Variants in MAGI2 observed in about 807,000 individuals in gnomAD.
MAGI2 encodes membrane associated guanylate kinase, WW and PDZ domain containing 2.
A neutral mutation model predicts 133.3 loss-of-function variants in MAGI2; 35 were observed. The ratio of observed to expected loss-of-function variants is 0.26; its 90% CI spans 0.20 to 0.35. The LOEUF (loss-of-function observed/expected upper bound fraction) is 0.35. Ranked by LOEUF, MAGI2 falls within the 10% of genes least tolerant of loss-of-function variation. The pLI is 1.00. For missense variants in MAGI2, 1,636 were observed against 1,863.4 expected, an observed-to-expected ratio of 0.88 and a Z score of 2.25; for synonymous variants, 729 against 710.6, an observed-to-expected ratio of 1.03 and a Z score of -0.41.
At chr7:78,880,285 G>T (rs1266437442) in intron 2 of MAGI2, among the ~76,000 whole-genome samples, 2 of 152,146 alleles carry the variant, frequency 1.3e-5, no homozygotes, top group African/African-American at 4.8e-5. Context: ...GACTGGCCAA[G>T]ATCAGCACGG....
chr7:78,641,670 T>G (rs897382948), intron 2 of MAGI2, among the ~76,000 whole-genome samples: 1 of 152,070 alleles, frequency 6.6e-6, no homozygotes, highest in African/African-American at 2.4e-5. Flanking sequence ...TGGCCAGCAT[T>G]AAGTGTAACA....
chr7:78,764,434 A>G (rs773007689), intron 2 of MAGI2, among the ~76,000 whole-genome samples: 2 of 152,242 alleles, frequency 1.3e-5, no homozygotes, highest in Non-Finnish European at 2.9e-5. Context: ...AATGAATAAA[A>G]TCTCGATGAA....
At chr7:79,402,761 A>G (rs1416908757) in intron 1 of MAGI2, among the ~76,000 whole-genome samples, 1 of 152,230 alleles carries the variant, frequency 6.6e-6, no homozygotes, top group East Asian at 1.9e-4. Flanking sequence ...CAGGAGTTCA[A>G]GACCGGCCTG....
chr7:79,287,580 C>T (rs1585435080), intron 1 of MAGI2, among the ~76,000 whole-genome samples: 1 of 152,182 alleles, frequency 6.6e-6, no homozygotes, highest in East Asian at 1.9e-4. Flanking sequence ...TTCTGAGTAG[C>T]TGTGTGTACT....
intron 1 of MAGI2, among the ~76,000 whole-genome samples, chr7:79,165,065 T>C (rs1044137163): frequency 1.3e-5 from 2 of 152,010 alleles, no homozygotes; most frequent in African/African-American, 4.8e-5. Flanking sequence ...GAACTCAGAG[T>C]CTTATTTTTA....
intron 1 of MAGI2, among the ~76,000 whole-genome samples, chr7:79,088,154 C>T (rs1040993520): frequency 3.3e-5 from 5 of 152,064 alleles, no homozygotes; most frequent in Non-Finnish European, 7.4e-5. Context: ...TTGTTTGTAT[C>T]CTCTCTTATT....
chr7:78,236,696 A>G (rs548824349), intron 10 of MAGI2, among the ~76,000 whole-genome samples: 9 of 152,194 alleles, frequency 5.9e-5, no homozygotes, highest in Non-Finnish European at 1.0e-4. Flanking sequence ...TGGGGTAAAT[A>G]ACATTAGAAA....
At chr7:79,305,320 G>A (rs1484540072) in intron 1 of MAGI2, among the ~76,000 whole-genome samples, 1 of 151,986 alleles carries the variant, frequency 6.6e-6, no homozygotes, top group African/African-American at 2.4e-5. Context: ...TTTCTTCATT[G>A]GAAGCTTTGA....
chr7:78,344,382 A>G (rs1584945537), intron 8 of MAGI2, among the ~76,000 whole-genome samples: 1 of 152,174 alleles, frequency 6.6e-6, no homozygotes, highest in East Asian at 1.9e-4. Flanking sequence ...TCAGTGGCCG[A>G]TCCTAAACTA....
intron 1 of MAGI2, among the ~76,000 whole-genome samples, chr7:79,435,049 T>C (rs1449407479): frequency 6.6e-6 from 1 of 152,234 alleles, no homozygotes; most frequent in Non-Finnish European, 1.5e-5. Flanking sequence ...GCCTTTGGAC[T>C]GGAACATAAC....
At chr7:79,376,635 A>G (rs1843397188) in intron 1 of MAGI2, among the ~76,000 whole-genome samples, 1 of 151,926 alleles carries the variant, frequency 6.6e-6, no homozygotes. Context: ...ATGATCCACA[A>G]CCTAGGTGGA....
chr7:78,488,899 C>A (rs759333), intron 6 of MAGI2, among the ~76,000 whole-genome samples: 99,732 of 151,804 alleles, frequency 0.66, 33,243 homozygotes, highest in South Asian at 0.84. Flanking sequence ...CTTTGTTTAA[C>A]GTTCAAATAT....
intron 1 of MAGI2, among the ~76,000 whole-genome samples, chr7:79,196,297 C>CT (rs202021831): frequency 6.6e-6 from 1 of 151,676 alleles, no homozygotes; most frequent in Admixed American, 6.6e-5. Context: ...TACAAATATT[C>CT]TTTTTTTTAC....
At chr7:78,398,584 G>A (rs548461727) in intron 6 of MAGI2, among the ~76,000 whole-genome samples, 11 of 151,666 alleles carry the variant, frequency 7.3e-5, no homozygotes, top group African/African-American at 2.4e-4. Flanking sequence ...ATTCTTTTTT[G>A]CCCTTTTGAG....
At chr7:79,445,307 T>C (rs1483205546) in intron 1 of MAGI2, among the ~76,000 whole-genome samples, 1 of 151,966 alleles carries the variant, frequency 6.6e-6, no homozygotes, top group African/African-American at 2.4e-5. Flanking sequence ...AATCCAAAAT[T>C]GACAAATGGG....
At position 79,184,823 on chromosome 7, in the gene MAGI2, G is replaced by A. The variant is rs116773046; in HGVS notation, c.302-177617C>T. On this transcript the variant is annotated intron_variant, in intron 1 of 21. Coordinates refer to ENST00000354212, the MANE Select transcript of MAGI2 (RefSeq NM_012301.4). ...TTGGATAACTTTTTTCTTTTCTTTT[G>A]AGTCTTTAAAAAAATAAAAAATAAA... 9.8e-3 allele frequency among the ~76,000 whole-genome samples: 1,490 copies of A among 151,396 alleles called. 34 individuals carry two copies. The highest frequency in any genetic ancestry group is 0.035 in the African/African-American group (1,426 of 41,204).
chr7:79,054,186 ACT>A (rs1365827088), intron 1 of MAGI2, among the ~76,000 whole-genome samples: 3 of 152,140 alleles, frequency 2.0e-5, no homozygotes, highest in African/African-American at 7.2e-5. Context: ...ACATAGCGAG[ACT>A]CTGTCTCAAT....
chr7:78,759,331 T>C (rs1266428515), intron 2 of MAGI2, among the ~76,000 whole-genome samples: 1 of 152,200 alleles, frequency 6.6e-6, no homozygotes, highest in East Asian at 1.9e-4. Flanking sequence ...TTTTAAATTA[T>C]AAATTTGTTT....
At chr7:78,129,935 C>CAAAAAAAAAAAAAAAAAAAAAAAAAA (rs61675652) in intron 18 of MAGI2, among the ~76,000 whole-genome samples, 1 of 57,142 alleles carries the variant, frequency 1.8e-5, no homozygotes, top group Non-Finnish European at 3.1e-5. Flanking sequence ...AACTCCGCCT[C>CAAAAAAAAAAAAAAAAAAAAAAAAAA]AAAAAAAAAA....
Sources: gnomAD v4.1 joint callset for allele counts (sites outside exome capture counted in the v4.1 genomes callset) on GRCh38, gnomAD v4.1.1 for gene constraint, MANE v1.5 for transcripts, NCBI Gene and HGNC (gene_info 2026-07-23, HGNC 2026-07-21) for gene names.